The following ATRAID variants were observed in gnomAD, a reference collection of about 807,000 sequenced individuals.
ATRAID encodes the protein all-trans retinoic acid induced differentiation factor.
In ATRAID, 26 loss-of-function variants were observed where a neutral mutation model predicts 28.8. The ratio of observed to expected loss-of-function variants is 0.90; its 90% CI spans 0.66 to 1.25. ATRAID has a LOEUF of 1.25. ATRAID is among the 50% of genes most tolerant of loss of function. The probability of loss-of-function intolerance (pLI) is 0.00; values close to 1 mark genes in which losing one functional copy is unlikely to be tolerated. For missense variants in ATRAID, 308 were observed against 285.9 expected, an observed-to-expected ratio of 1.08 and a Z score of -0.56; for synonymous variants, 131 against 108.5, an observed-to-expected ratio of 1.21 and a Z score of -1.29.
Position 27,215,771 on chromosome 2 carries a change from C to T in ATRAID, c.487+18C>T, listed in dbSNP as rs1012562505. 3 of 1,610,874 alleles carry T rather than the reference C, an allele frequency of 1.9e-6. No individual in the cohort carries two copies. In the East Asian group the frequency reaches 6.7e-5, roughly 36 times the overall value. ...GGACCCAGGTATGCTGTCTTACCTCCAAACTTCTGGGAATTGTCTTTTCTC... is the reference window on the plus strand; with the variant it reads ...GGACCCAGGTATGCTGTCTTACCTCTAAACTTCTGGGAATTGTCTTTTCTC... On this transcript the variant is annotated intron_variant, in intron 5 of 6. Transcript: ENST00000380171.
intron 6 of ATRAID, 101 bp from the exon 7 acceptor site, chr2:27,216,743 C>A: frequency 7.1e-7 from 1 of 1,417,326 alleles, no homozygotes; most frequent in Non-Finnish European, 9.9e-7. Flanking sequence ...TATAGAATTG[C>A]CCTAGACAAA....
Position 27,215,554 on chromosome 2 carries a change from G to A in ATRAID, c.365+9G>A. 1 of 1,614,188 alleles carries A rather than the reference G, an allele frequency of 6.2e-7. No individual in the cohort carries two copies. Among genetic ancestry groups the A allele is most frequent in the Non-Finnish European group, 8.5e-7 (1 of 1,180,014 alleles). ...ACTCAGCTCCAGACTCTGTGAGTAA[G>A]GGTATGGGAAGAGAATCAAAGAGGG... On this transcript the variant is annotated intron_variant, in intron 4 of 6. Transcript: ENST00000380171.
chr2:27,213,108 T>C, intron 1 of ATRAID, 69 bp from the exon 2 acceptor site: 1 of 1,579,736 alleles, frequency 6.3e-7, no homozygotes, highest in East Asian at 2.3e-5. Context: ...GGCAGTTAAT[T>C]CTTGATCGCC....
chr2:27,216,262 CAGTT>C (rs1674826160), intron 5 of ATRAID: 1 of 450,014 alleles, frequency 2.2e-6, no homozygotes, highest in Non-Finnish European at 4.0e-6. Context: ...GGAATGTCAT[CAGTT>C]AAGGCTATTT....
chr2:27,213,201 G>C lies in ATRAID; in HGVS notation c.124G>C (p.Val42Leu). 6.2e-7 allele frequency: 1 copy of C among 1,614,056 alleles called. No individual in the cohort carries two copies. Among genetic ancestry groups the C allele is most frequent in the Non-Finnish European group, 8.5e-7 (1 of 1,179,986 alleles). Residue 42 changes from valine to leucine, a missense_variant, in exon 2 of 7, where the codon GTG becomes CTG. Val to Leu is a conservative substitution (Grantham distance 32, BLOSUM62 1). Coordinates refer to ENST00000380171, the MANE Select transcript of ATRAID (RefSeq NM_001170795.4). ...GATATGCACCCAATGTCCAGGGAGC[G>C]TGCAAAATTTGTCAAAAGTGGCCTT... ...PEICTQCPGS[V>L]QNLSKVAFYC...
At chr2:27,213,654 T>C (rs1057264436) in intron 2 of ATRAID, among the ~76,000 whole-genome samples, 1 of 152,208 alleles carries the variant, frequency 6.6e-6, no homozygotes, top group African/African-American at 2.4e-5. Flanking sequence ...TTTAATACTA[T>C]ATTTAGTATT....
intron 2 of ATRAID, 94 bp from the exon 3 acceptor site, chr2:27,215,227 A>T: frequency 1.6e-6 from 2 of 1,232,386 alleles, no homozygotes; most frequent in East Asian, 2.4e-5. Context: ...TTCAATTATT[A>T]GCTGAAAAGG....
chr2:27,212,751 T>A, intron 1 of ATRAID: 2 of 913,456 alleles, frequency 2.2e-6, no homozygotes, highest in Non-Finnish European at 3.0e-6. Flanking sequence ...GCCTCTTGTG[T>A]AATCTCTCTA....
rs575732792 is a variant in ATRAID at position 27,217,089 on chromosome 2, C to T, written c.*141C>T. The T allele has an allele frequency of 1.8e-5, 12 of 665,866 alleles. No individual in the cohort carries two copies. The Admixed American group carries it at 2.1e-4, about 12-fold the overall frequency. The allele number at this position is 665,866 out of a possible 1,614,324, so 41.2% of individuals were successfully genotyped here. On this transcript the variant is annotated 3_prime_UTR_variant, in exon 7 of 7. Coordinates refer to ENST00000380171, the MANE Select transcript of ATRAID (RefSeq NM_001170795.4). Reference sequence around the variant, plus strand: ...CGCCATTGGAAGATGAAAAATTGCACTCCCTTGGTGTAGACAAATACCAGT... The same window carrying T: ...CGCCATTGGAAGATGAAAAATTGCATTCCCTTGGTGTAGACAAATACCAGT...
chr2:27,215,460 T>TA lies in ATRAID; in HGVS notation c.294-14_294-13insA. ...TAGGTTGATGCGAAAGTGCTAACAT[T>TA]GTGTACTTTGCAGAGACCTGCAAGC... On this transcript the variant is annotated splice_polypyrimidine_tract_variant and intron_variant, in intron 3 of 6. Coordinates refer to ENST00000380171, the MANE Select transcript of ATRAID (RefSeq NM_001170795.4). 2 of 1,614,160 alleles carry TA rather than the reference T, an allele frequency of 1.2e-6. No homozygotes were observed. Among genetic ancestry groups the TA allele is most frequent in the Non-Finnish European group, 1.7e-6 (2 of 1,180,024 alleles).
Position 27,212,206 on chromosome 2 carries a change from G to A in ATRAID, c.-163G>A. On this transcript the variant is annotated 5_prime_UTR_variant, in exon 1 of 7. The change abolishes an upstream ATG in the 5' untranslated region. Transcript: ENST00000380171. ...TCCCCGAAAGAGGGCTAGGGCGCAT[G>A]AAGACCAGCGCAGAGCTCCACGAGC... The A allele has an allele frequency of 1.9e-6, 3 of 1,555,854 alleles. No homozygotes were observed. The highest frequency in any genetic ancestry group is 2.6e-6 in the Non-Finnish European group (3 of 1,150,302).
chr2:27,215,315 C>T lies in ATRAID; in HGVS notation c.222-6C>T. 1 of 1,613,828 alleles carries T rather than the reference C, an allele frequency of 6.2e-7. No homozygotes were observed. The highest frequency in any genetic ancestry group is 1.1e-5 in the South Asian group (1 of 91,064). ...CACAGTTATATTGATTACTTTATTTCCTCAGGCTGGATCTCCAGAACTGTT... is the reference window on the plus strand; with the variant it reads ...CACAGTTATATTGATTACTTTATTTTCTCAGGCTGGATCTCCAGAACTGTT... On this transcript the variant is annotated splice_polypyrimidine_tract_variant and splice_region_variant and intron_variant, in intron 2 of 6. Transcript: ENST00000380171.
Position 27,212,335 on chromosome 2 carries a change from T to C in ATRAID, c.-34T>C. The C allele has an allele frequency of 6.5e-7, 1 of 1,549,150 alleles. No individual in the cohort carries two copies. Among genetic ancestry groups the C allele is most frequent in the Non-Finnish European group, 8.7e-7 (1 of 1,146,212 alleles). On this transcript the variant is annotated 5_prime_UTR_variant, in exon 1 of 7. Coordinates refer to ENST00000380171, the MANE Select transcript of ATRAID (RefSeq NM_001170795.4). ...TGCGGGGCGGGGCCGCGGGGCCGGGTCGCGCGAGCAGCGGAGCACCAAGGG... is the reference window on the plus strand; with the variant it reads ...TGCGGGGCGGGGCCGCGGGGCCGGGCCGCGCGAGCAGCGGAGCACCAAGGG...
rs1674868678 is a variant in ATRAID at position 27,216,896 on chromosome 2, C to CTG, written c.638_639insTG (p.Val214AlafsTer25). Reference sequence around the variant, plus strand: ...GGGATTCTGGGAGCCACCACTCTATCCGTCTCCATTCTGCTTTGGGCGACC... The same window carrying CTG: ...GGGATTCTGGGAGCCACCACTCTATCTGCGTCTCCATTCTGCTTTGGGCGACC... On this transcript the variant is annotated frameshift_variant, in exon 7 of 7. Transcript: ENST00000380171. LOFTEE classifies it high-confidence loss of function. 2 of 1,614,194 alleles carry CTG rather than the reference C, an allele frequency of 1.2e-6. No homozygotes were observed. The highest frequency in any genetic ancestry group is 4.5e-5 in the East Asian group (2 of 44,876).
At position 27,215,553 on chromosome 2, in the gene ATRAID, A is replaced by G; in HGVS notation, c.365+8A>G. 6.2e-7 allele frequency: 1 copy of G among 1,614,208 alleles called. No homozygotes were observed. Reference sequence around the variant, plus strand: ...TACTCAGCTCCAGACTCTGTGAGTAAGGGTATGGGAAGAGAATCAAAGAGG... The same window carrying G: ...TACTCAGCTCCAGACTCTGTGAGTAGGGGTATGGGAAGAGAATCAAAGAGG... On this transcript the variant is annotated splice_region_variant and intron_variant, in intron 4 of 6. Transcript: ENST00000380171.
rs768166971 is a variant in ATRAID at position 27,212,252 on chromosome 2, C to G, written c.-117C>G. 3.8e-6 allele frequency: 6 copies of G among 1,560,384 alleles called. No homozygotes were observed. The highest frequency in any genetic ancestry group is 4.3e-6 in the Non-Finnish European group (5 of 1,152,684). On this transcript the variant is annotated 5_prime_UTR_variant, in exon 1 of 7. Coordinates refer to ENST00000380171, the MANE Select transcript of ATRAID (RefSeq NM_001170795.4). ...CGAGCAGGAAAAGCCCCCAAGCAGC[C>G]CCAGGGCGACTGGACCGGGCCGCTT...
At position 27,216,638 on chromosome 2, in the gene ATRAID, C is replaced by A; in HGVS notation, c.585+18C>A. ...TGCGCCAGGTGAGGAATTAGGCCGT[C>A]TAACTAGGGATACAAGGAATGCATA... On this transcript the variant is annotated intron_variant, in intron 6 of 6. Transcript: ENST00000380171. The A allele has an allele frequency of 6.3e-7, 1 of 1,596,850 alleles. No individual in the cohort carries two copies. The highest frequency in any genetic ancestry group is 1.1e-5 in the South Asian group (1 of 90,718).
Sources: allele counts gnomAD v4.1 joint callset (sites outside exome capture counted in the v4.1 genomes callset), GRCh38; gene constraint gnomAD v4.1.1; transcripts MANE v1.5; gene names NCBI Gene and HGNC (gene_info 2026-07-23, HGNC 2026-07-21).